The following HAO1 variants were observed in gnomAD, a reference collection of about 807,000 sequenced individuals.
The protein encoded by HAO1 is 2-Hydroxyacid oxidase 1.
HAO1 carries 34 observed loss-of-function variants against 39.7 expected under a neutral mutation model. The ratio of observed to expected loss-of-function variants is 0.86; its 90% CI spans 0.65 to 1.14. The LOEUF is 1.14. Ranked by LOEUF, HAO1 falls within the 50% of genes most tolerant of loss-of-function variation. HAO1 has a pLI of 0.00. For missense variants in HAO1, 479 were observed against 464.5 expected, an observed-to-expected ratio of 1.03 and a Z score of -0.29; for synonymous variants, 172 against 173.2, an observed-to-expected ratio of 0.99 and a Z score of 0.05.
intron 2 of HAO1, among the ~76,000 whole-genome samples, chr20:7,919,859 G>C (rs989602416): frequency 3.3e-5 from 5 of 152,122 alleles, no homozygotes; most frequent in African/African-American, 1.2e-4. Context: ...TCCACAGCCA[G>C]CTTTCCTTTG....
At position 7,934,561 on chromosome 20, in the gene HAO1, A is replaced by AC; in HGVS notation, c.211dup (p.Val71GlyfsTer46). On this transcript the variant is annotated frameshift_variant, in exon 2 of 8. Coordinates refer to ENST00000378789, the MANE Select transcript of HAO1 (RefSeq NM_017545.3). LOFTEE classifies it high-confidence loss of function. ...AGCCCCCACACATATTGGCATGCTG[A>AC]CCCTCTGTCCTAAAACAGAAGTCGA... The AC allele has an allele frequency of 1.2e-6, 2 of 1,613,054 alleles. No homozygotes were observed. Among genetic ancestry groups the AC allele is most frequent in the African/African-American group, 2.7e-5 (2 of 75,002 alleles).
intron 1 of HAO1, among the ~76,000 whole-genome samples, chr20:7,935,166 T>C (rs2050404452): frequency 6.6e-6 from 1 of 152,222 alleles, no homozygotes; most frequent in Non-Finnish European, 1.5e-5. Flanking sequence ...GATTTTCTCA[T>C]GTTGTTGTAC....
chr20:7,917,796 T>A, intron 2 of HAO1, among the ~76,000 whole-genome samples: 1 of 152,148 alleles, frequency 6.6e-6, no homozygotes, highest in Non-Finnish European at 1.5e-5. Flanking sequence ...TCATGAGAAA[T>A]ATCTACAGAC....
chr20:7,893,905 C>T (rs2050185210), intron 5 of HAO1, among the ~76,000 whole-genome samples: 1 of 152,168 alleles, frequency 6.6e-6, no homozygotes, highest in Non-Finnish European at 1.5e-5. Context: ...AACGGTTGGG[C>T]AGTTACAGCA....
intron 4 of HAO1, 107 bp from the exon 5 acceptor site, chr20:7,895,331 A>T (rs1274605117): frequency 1.3e-5 from 9 of 711,638 alleles, no homozygotes; most frequent in Middle Eastern, 2.6e-4. Flanking sequence ...CCATCTGCAT[A>T]CCTGGGTCAA....
At chr20:7,908,657 A>C (rs1201378587) in intron 3 of HAO1, among the ~76,000 whole-genome samples, 2 of 152,124 alleles carry the variant, frequency 1.3e-5, no homozygotes, top group Admixed American at 1.3e-4. Context: ...AGTTTCACGG[A>C]CTCAGATGGC....
intron 4 of HAO1, among the ~76,000 whole-genome samples, chr20:7,905,737 CAAGAAA>C (rs1304518552): frequency 6.6e-6 from 1 of 152,076 alleles, no homozygotes; most frequent in Non-Finnish European, 1.5e-5. Flanking sequence ...GGAGGGAGCA[CAAGAAA>C]AAGAGTAAAA....
At chr20:7,898,804 T>C (rs886596458) in intron 4 of HAO1, among the ~76,000 whole-genome samples, 6 of 152,158 alleles carry the variant, frequency 3.9e-5, no homozygotes, top group African/African-American at 1.4e-4. Context: ...CCTGTCCTAA[T>C]AGACATAGCA....
chr20:7,883,540 C>T lies in HAO1; in HGVS notation c.*53G>A. On this transcript the variant is annotated 3_prime_UTR_variant, in exon 8 of 8. Coordinates refer to ENST00000378789, the MANE Select transcript of HAO1 (RefSeq NM_017545.3). ...CACCCTCTGCACAGTGTCTCTTTGT[C>T]AAGTAATACATGCTGAAAAAAAATA... 7.6e-7 allele frequency: 1 copy of T among 1,317,940 alleles called. No homozygotes were observed. The allele number at this position is 1,317,940 out of a possible 1,614,324, so 81.6% of individuals were successfully genotyped here.
chr20:7,917,208 C>T (rs1035342809), intron 2 of HAO1, among the ~76,000 whole-genome samples: 12 of 151,938 alleles, frequency 7.9e-5, no homozygotes, highest in African/African-American at 2.4e-4. Context: ...GGCGTAGTGG[C>T]GCATGCCTGT....
Position 7,914,282 on chromosome 20 carries a change from G to C in HAO1, c.427C>G (p.Leu143Val). The C allele has an allele frequency of 6.2e-7, 1 of 1,614,020 alleles. No homozygotes were observed. The highest frequency in any genetic ancestry group is 8.5e-7 in the Non-Finnish European group (1 of 1,179,974). ...IYKDREVTKK[L>V]VRQAEKMGYK... is the part of the protein sequence containing the mutation. ...CCCATCTTCTCTGCCTGCCGCACTA[G>C]CTTCTTGGTGACTTCTCGGTCCTTG... The change falls in exon 3 of 8, where the codon CTA becomes GTA. Residue 143 changes from leucine (L) to valine (V), a missense_variant. By Grantham distance (32) the Leu-to-Val change is conservative (BLOSUM62 1). Transcript: ENST00000378789.
intron 2 of HAO1, among the ~76,000 whole-genome samples, chr20:7,915,495 C>A (rs1316239559): frequency 6.6e-6 from 1 of 152,156 alleles, no homozygotes; most frequent in East Asian, 1.9e-4. Context: ...GGTAGCTTGC[C>A]CACCTACTCT....
In HAO1 at chr20:7,906,254, T is replaced by A; in HGVS notation, c.621A>T (p.Ala207=). The A allele has an allele frequency of 6.2e-7, 1 of 1,612,148 alleles. No individual in the cohort carries two copies. Among genetic ancestry groups the A allele is most frequent in the Non-Finnish European group, 8.5e-7 (1 of 1,178,246 alleles). Residue 207 remains alanine (A), a synonymous_variant, in exon 4 of 8, where the codon GCA becomes GCT. Transcript: ENST00000378789. The part of the protein sequence containing the change: ...ENFGDDSGLA[A]YVAKAIDPSI... ...ATGGGTCTATTGCTTTAGCCACATA[T>A]GCAGCAAGTCCACTGTCGTCTCCAA... is the stretch of plus-strand genomic sequence containing the variant.
chr20:7,899,673 A>G (rs1233640543), intron 4 of HAO1, among the ~76,000 whole-genome samples: 1 of 152,204 alleles, frequency 6.6e-6, no homozygotes, highest in African/African-American at 2.4e-5. Flanking sequence ...GATAATTTAT[A>G]ACCAGATATA....
At chr20:7,927,040 T>A (rs1166523223) in intron 2 of HAO1, among the ~76,000 whole-genome samples, 1 of 152,150 alleles carries the variant, frequency 6.6e-6, no homozygotes, top group African/African-American at 2.4e-5. Flanking sequence ...TTCTTTTCTC[T>A]TTCTTTTTGA....
intron 2 of HAO1, among the ~76,000 whole-genome samples, chr20:7,926,989 A>G (rs576679204): frequency 7.3e-4 from 111 of 152,272 alleles, no homozygotes; most frequent in African/African-American, 2.4e-3. Flanking sequence ...ACTTGCCCAC[A>G]TAACAAGTCA....
At chr20:7,888,711 C>G (rs549997466) in intron 5 of HAO1, among the ~76,000 whole-genome samples, 1 of 152,256 alleles carries the variant, frequency 6.6e-6, no homozygotes, top group South Asian at 2.1e-4. Context: ...TCCTCTTTAT[C>G]TTCATTTCCT....
intron 2 of HAO1, among the ~76,000 whole-genome samples, chr20:7,929,525 A>G (rs2050376587): frequency 6.6e-6 from 1 of 152,184 alleles, no homozygotes; most frequent in Admixed American, 6.5e-5. Flanking sequence ...GAAAATGAAA[A>G]AAGTATAGCT....
intron 4 of HAO1, among the ~76,000 whole-genome samples, chr20:7,896,651 CA>C (rs1314362451): frequency 2.0e-5 from 3 of 152,048 alleles, no homozygotes; most frequent in Admixed American, 6.5e-5. Context: ...CTCTGATCCC[CA>C]ATGTGATGGC....
Sources: allele counts gnomAD v4.1 joint callset (sites outside exome capture counted in the v4.1 genomes callset), GRCh38; gene constraint gnomAD v4.1.1; transcripts MANE v1.5; gene names NCBI Gene and HGNC (gene_info 2026-07-23, HGNC 2026-07-21).